The following TRAPPC9 variants were observed in gnomAD, a reference collection of about 807,000 sequenced individuals.
TRAPPC9 encodes IKK2 binding protein.
In TRAPPC9, 83 loss-of-function variants were observed where a neutral mutation model predicts 124.0. The observed-to-expected ratio is 0.67, with a 90% CI of 0.56 to 0.80. TRAPPC9 has a LOEUF of 0.80. Among genes scored for constraint, TRAPPC9 ranks in the 30% least tolerant of loss-of-function variants. The pLI is 0.00. For synonymous variants in TRAPPC9, 638 were observed against 617.5 expected, an observed-to-expected ratio of 1.03 and a Z score of -0.49; for missense variants, 1,302 against 1,508.3, an observed-to-expected ratio of 0.86 and a Z score of 2.27.
At chr8:140,439,611 C>G (rs1369140562) in intron 2 of TRAPPC9, among the ~76,000 whole-genome samples, 1 of 152,184 alleles carries the variant, frequency 6.6e-6, no homozygotes, top group Non-Finnish European at 1.5e-5. Context: ...TATTAGCCAA[C>G]CATTTGGCTT....
At chr8:140,195,367 T>C (rs556710431) in intron 17 of TRAPPC9, among the ~76,000 whole-genome samples, 3 of 151,826 alleles carry the variant, frequency 2.0e-5, no homozygotes, top group Non-Finnish European at 4.4e-5. Context: ...ACTGTACAGA[T>C]CACACCTGTG....
rs530335895 is a variant in TRAPPC9, at chr8:139,807,204, A to G, written c.3056-75002T>C. ...GTGGGGTGAGTAGGGGCCAGAAAGC[A>G]TAGCCAGCGGGACAGGAGTCCTTTG... On this transcript the variant is annotated intron_variant, in intron 21 of 22. Coordinates refer to ENST00000438773, the MANE Select transcript of TRAPPC9 (RefSeq NM_001160372.4). Among the ~76,000 whole-genome samples, 4 of 152,338 alleles carry G rather than the reference A, an allele frequency of 2.6e-5. No homozygotes were observed. The South Asian group carries it at 8.3e-4, about 32-fold the overall frequency.
chr8:140,182,424 G>A lies in TRAPPC9; in HGVS notation c.2556+39035C>T, dbSNP rs1244038447. Among the ~76,000 whole-genome samples, 2 of 151,700 alleles carry A rather than the reference G, an allele frequency of 1.3e-5. No homozygotes were observed. Among genetic ancestry groups the A allele is most frequent in the Admixed American group, 1.3e-4 (2 of 15,232 alleles). ...TTCACAAATATGTTTGAGAATGGCCGCTTCCCAAAGCTGTTATTCGATAGA... is the reference window on the plus strand; with the variant it reads ...TTCACAAATATGTTTGAGAATGGCCACTTCCCAAAGCTGTTATTCGATAGA... On this transcript the variant is annotated intron_variant, in intron 17 of 22. Coordinates refer to ENST00000438773, the MANE Select transcript of TRAPPC9 (RefSeq NM_001160372.4). The surrounding 1 kb of genome is among the most constrained non-coding windows in gnomAD (Gnocchi z 4.0).
chr8:139,957,257 G>C (rs745282), intron 19 of TRAPPC9, among the ~76,000 whole-genome samples: 76,776 of 152,196 alleles, frequency 0.5, 20,291 homozygotes, highest in East Asian at 0.73. Context: ...GGAGGGCCGC[G>C]TACCTGCCCT....
rs1832883141 is a variant in TRAPPC9, at chr8:139,927,454, C to A, written c.2811-17154G>T. Among the ~76,000 whole-genome samples, 3 of 152,094 alleles carry A rather than the reference C, an allele frequency of 2.0e-5. No homozygotes were observed. The South Asian group carries it at 6.2e-4, about 32-fold the overall frequency. ...AGAGATGAGTTCTCATTATGTTGTC[C>A]AGGTTGGTCTCAAACTCCTGGGCTC... On this transcript the variant is annotated intron_variant, in intron 19 of 22. Coordinates refer to ENST00000438773, the MANE Select transcript of TRAPPC9 (RefSeq NM_001160372.4).
intron 18 of TRAPPC9, among the ~76,000 whole-genome samples, chr8:140,020,374 T>C (rs926407710): frequency 6.6e-6 from 1 of 152,152 alleles, no homozygotes; most frequent in Non-Finnish European, 1.5e-5. Flanking sequence ...AAATAACAAC[T>C]AGGCACTTTC....
At chr8:140,234,460 C>T (rs1448504319) in intron 16 of TRAPPC9, among the ~76,000 whole-genome samples, 4 of 152,220 alleles carry the variant, frequency 2.6e-5, no homozygotes, top group Non-Finnish European at 5.9e-5. Flanking sequence ...GGACGCTGAG[C>T]TCCTAGAGGG....
At chr8:139,823,679 C>T (rs898530116) in intron 21 of TRAPPC9, among the ~76,000 whole-genome samples, 8 of 152,196 alleles carry the variant, frequency 5.3e-5, no homozygotes, top group South Asian at 2.1e-4. Context: ...TGTCTGCTGA[C>T]GGACAGTGTT....
At chr8:140,154,294 CCCATTTCTCT>C (rs1327798232) in intron 17 of TRAPPC9, among the ~76,000 whole-genome samples, 1 of 152,180 alleles carries the variant, frequency 6.6e-6, no homozygotes, top group African/African-American at 2.4e-5. Flanking sequence ...CTGAAATCCA[CCCATTTCTCT>C]CTGGCTCCAC....
intron 19 of TRAPPC9, among the ~76,000 whole-genome samples, chr8:139,971,788 T>C (rs1431578027): frequency 1.2e-4 from 4 of 32,616 alleles, no homozygotes; most frequent in Admixed American, 8.5e-4. Context: ...CACACATATA[T>C]ACACATATAT....
At chr8:140,366,894 C>T (rs1249839515) in intron 8 of TRAPPC9, among the ~76,000 whole-genome samples, 2 of 152,118 alleles carry the variant, frequency 1.3e-5, no homozygotes, top group African/African-American at 2.4e-5. Flanking sequence ...AAACAAACAA[C>T]CTAATTAAAA....
chr8:140,055,656 G>C (rs965332657), intron 17 of TRAPPC9, among the ~76,000 whole-genome samples: 2 of 152,160 alleles, frequency 1.3e-5, no homozygotes, highest in Non-Finnish European at 2.9e-5. Flanking sequence ...ACAAATATCA[G>C]CAAAGTTACA....
intron 17 of TRAPPC9, among the ~76,000 whole-genome samples, chr8:140,065,648 C>G (rs1316090239): frequency 2.6e-5 from 4 of 152,194 alleles, no homozygotes; most frequent in Non-Finnish European, 5.9e-5. Flanking sequence ...AATAACAAAG[C>G]CTGGATGACA....
intron 17 of TRAPPC9, among the ~76,000 whole-genome samples, chr8:140,164,687 GGCCCACAGCCTCAGCGA>G (rs1395834520): frequency 6.6e-6 from 1 of 152,154 alleles, no homozygotes; most frequent in Non-Finnish European, 1.5e-5. Context: ...GTGCAGCACA[GGCCCACAGCCTCAGCGA>G]GTCCAGGTGG....
chr8:140,153,054 T>G (rs1333843882), intron 17 of TRAPPC9, among the ~76,000 whole-genome samples: 1 of 152,178 alleles, frequency 6.6e-6, no homozygotes, highest in Non-Finnish European at 1.5e-5. Flanking sequence ...TCACCTTTAT[T>G]TCTAATGAGA....
In TRAPPC9 at chr8:140,252,770, C is replaced by T. The variant is rs11166964; in HGVS notation, c.2431+7G>A. ...GACGTGCTAATTAAAATTAGGAAAGCGCTTACCATCACTGAGATCCTGCAG... is the reference window on the plus strand; with the variant it reads ...GACGTGCTAATTAAAATTAGGAAAGTGCTTACCATCACTGAGATCCTGCAG... On this transcript the variant is annotated splice_region_variant and intron_variant, in intron 16 of 22. Transcript: ENST00000438773. This position sits in a 1 kb window ranked among gnomAD's most constrained non-coding sequence, Gnocchi z 4.2. The T allele has an allele frequency of 0.12, 197,340 of 1,612,806 alleles. 13,594 individuals carry two copies. The highest frequency in any genetic ancestry group is 0.22 in the Admixed American group (13,137 of 59,990).
Position 140,208,301 on chromosome 8 carries a change from G to A in TRAPPC9, c.2556+13158C>T, listed in dbSNP as rs73364935. Among the ~76,000 whole-genome samples the A allele has an allele frequency of 2.0e-3, 303 of 152,286 alleles. 1 individual carries two copies. The highest frequency in any genetic ancestry group is 6.8e-3 in the Middle Eastern group (2 of 294). On this transcript the variant is annotated intron_variant, in intron 17 of 22. Coordinates refer to ENST00000438773, the MANE Select transcript of TRAPPC9 (RefSeq NM_001160372.4). ...TCTATGAGACACACCGGAAGTGTCC[G>A]TAAGGATGCTTGTGGTCCAGTCCTA... is the stretch of plus-strand genomic sequence containing the variant.
chr8:140,395,369 G>A (rs1192945747), intron 7 of TRAPPC9, among the ~76,000 whole-genome samples: 2 of 152,094 alleles, frequency 1.3e-5, no homozygotes, highest in Non-Finnish European at 2.9e-5. Flanking sequence ...ACGGGTCCAA[G>A]GGGCAGTAAA....
chr8:139,969,841 A>G (rs1835949015), intron 19 of TRAPPC9, among the ~76,000 whole-genome samples: 1 of 152,182 alleles, frequency 6.6e-6, no homozygotes, highest in African/African-American at 2.4e-5. Context: ...CTTCACAAAG[A>G]CTTTAGGAAC....
Sources: allele counts gnomAD v4.1 joint callset (sites outside exome capture counted in the v4.1 genomes callset), GRCh38; gene constraint gnomAD v4.1.1; non-coding constraint Gnocchi (gnomAD v3.1); transcripts MANE v1.5; gene names NCBI Gene and HGNC (gene_info 2026-07-23, HGNC 2026-07-21).